The following ADCK1 variants were observed in gnomAD, a reference collection of about 807,000 sequenced individuals.
ADCK1 encodes aarF domain containing kinase 1, also known as aarF domain-containing protein kinase 1.
In ADCK1, 41 loss-of-function variants were observed where a neutral mutation model predicts 52.3. The observed-to-expected ratio is 0.78, with a 90% CI of 0.61 to 1.02. ADCK1 has a LOEUF of 1.02. Among genes scored for constraint, ADCK1 ranks in the 50% least tolerant of loss-of-function variants. ADCK1 has a pLI of 0.00. For synonymous variants in ADCK1, 250 were observed against 274.6 expected (o/e 0.91, Z 0.89); for missense variants, 658 against 679.5 (o/e 0.97, Z 0.35).
At chr14:77,810,915 C>G (rs984007184) in intron 1 of ADCK1, among the ~76,000 whole-genome samples, 4 of 152,046 alleles carry the variant, frequency 2.6e-5, no homozygotes, top group African/African-American at 9.7e-5. Flanking sequence ...GTCCCTGGAT[C>G]ACTCTCATGA....
intron 3 of ADCK1, among the ~76,000 whole-genome samples, chr14:77,853,677 G>T (rs2082360288): frequency 6.6e-6 from 1 of 152,186 alleles, no homozygotes; most frequent in African/African-American, 2.4e-5. Flanking sequence ...GGTCCTGTGT[G>T]AATGCTGGGT....
chr14:77,832,175 A>G (rs554598275), intron 3 of ADCK1, among the ~76,000 whole-genome samples: 14 of 152,088 alleles, frequency 9.2e-5, no homozygotes, highest in South Asian at 2.1e-4. Context: ...ACAGGATTTC[A>G]CCGTATTGGC....
chr14:77,808,500 G>A (rs1414146963), intron 1 of ADCK1, among the ~76,000 whole-genome samples: 2 of 152,204 alleles, frequency 1.3e-5, no homozygotes, highest in Non-Finnish European at 2.9e-5. Flanking sequence ...CATGCCTCTG[G>A]CCTTAGAAAG....
intron 3 of ADCK1, among the ~76,000 whole-genome samples, chr14:77,852,883 G>GTACATATATATATA (rs2082331400): frequency 5.4e-5 from 1 of 18,514 alleles, no homozygotes; most frequent in Non-Finnish European, 9.9e-5. Context: ...TTTTATGTGT[G>GTACATATATATATA]TATATATATA....
intron 3 of ADCK1, among the ~76,000 whole-genome samples, chr14:77,838,524 G>A (rs2082004825): frequency 6.6e-6 from 1 of 152,118 alleles, no homozygotes; most frequent in African/African-American, 2.4e-5. Context: ...AGCCTCCCAG[G>A]TACCTGGGAA....
At chr14:77,903,564 G>A (rs1234559993) in intron 6 of ADCK1, among the ~76,000 whole-genome samples, 1 of 152,246 alleles carries the variant, frequency 6.6e-6, no homozygotes, top group African/African-American at 2.4e-5. Context: ...TGGCAGCAGA[G>A]CGTATGTGCC....
intron 9 of ADCK1, among the ~76,000 whole-genome samples, chr14:77,928,333 C>T (rs557892078): frequency 7.9e-5 from 12 of 152,206 alleles, no homozygotes; most frequent in Non-Finnish European, 1.8e-4. Context: ...GAGGTCTAGA[C>T]TTAAAATACA....
chr14:77,927,282 C>T (rs1409402999), intron 9 of ADCK1, among the ~76,000 whole-genome samples: 2 of 152,182 alleles, frequency 1.3e-5, no homozygotes, highest in Non-Finnish European at 2.9e-5. Flanking sequence ...GCAAAGATGA[C>T]GACCAACTCT....
intron 3 of ADCK1, among the ~76,000 whole-genome samples, chr14:77,837,528 T>C (rs1374326369): frequency 6.6e-6 from 1 of 152,198 alleles, no homozygotes; most frequent in Non-Finnish European, 1.5e-5. Context: ...CATGGACATA[T>C]TGTTTTGGGG....
intron 3 of ADCK1, among the ~76,000 whole-genome samples, chr14:77,838,250 G>A (rs188431199): frequency 8.3e-4 from 126 of 152,210 alleles, no homozygotes; most frequent in African/African-American, 2.8e-3. Flanking sequence ...CCAATTAGCC[G>A]AATAACTTCA....
At chr14:77,932,952 C>T (rs891911915) in intron 10 of ADCK1, among the ~76,000 whole-genome samples, 8 of 152,218 alleles carry the variant, frequency 5.3e-5, no homozygotes, top group African/African-American at 1.7e-4. Context: ...GAATGTTCTA[C>T]CCAATGGGTT....
At chr14:77,810,458 G>T (rs1594851773) in intron 1 of ADCK1, among the ~76,000 whole-genome samples, 1 of 151,942 alleles carries the variant, frequency 6.6e-6, no homozygotes, top group African/African-American at 2.4e-5. Context: ...ACTCTCAAGA[G>T]CTCCCCTTCA....
At chr14:77,880,900 G>A (rs1450390069) in intron 4 of ADCK1, among the ~76,000 whole-genome samples, 2 of 152,214 alleles carry the variant, frequency 1.3e-5, no homozygotes, top group Non-Finnish European at 2.9e-5. Flanking sequence ...TGTGTTGACT[G>A]ATTGGCTTAG....
At chr14:77,931,454 C>G (rs1454624394) in intron 9 of ADCK1, 64 bp from the exon 10 acceptor site, 10 of 1,532,218 alleles carry the variant, frequency 6.5e-6, no homozygotes, top group Non-Finnish European at 8.9e-6. Flanking sequence ...TGCCAGACCC[C>G]TGCCACCCCT....
intron 3 of ADCK1, among the ~76,000 whole-genome samples, chr14:77,825,011 A>T (rs2140045720): frequency 1.3e-5 from 2 of 152,368 alleles, no homozygotes; most frequent in Middle Eastern, 6.8e-3. Flanking sequence ...AACATACAAA[A>T]TGACCCTCCT....
rs1362759161 is a variant in ADCK1 at position 77,923,855 on chromosome 14, AG to A, written c.859-601del. On this transcript the variant is annotated intron_variant, in intron 7 of 10. Coordinates refer to ENST00000238561, the MANE Select transcript of ADCK1 (RefSeq NM_020421.4). This position sits in a 1 kb window ranked among gnomAD's most constrained non-coding sequence, Gnocchi z 4.3. ...CTGTGCAGACATCATAAATCAGATTAGCATTGGGCTCTGGCAGGGAGGGGAG... is the reference window on the plus strand; with the variant it reads ...CTGTGCAGACATCATAAATCAGATTACATTGGGCTCTGGCAGGGAGGGGAG... 2 of 152,734 alleles carry A rather than the reference AG, an allele frequency of 1.3e-5. No individual in the cohort carries two copies. Among genetic ancestry groups the A allele is most frequent in the Non-Finnish European group, 2.9e-5 (2 of 68,546 alleles). 9.5% of individuals were successfully genotyped at this position (152,734 alleles called of 1,614,324 possible).
intron 1 of ADCK1, among the ~76,000 whole-genome samples, chr14:77,805,802 A>C (rs1022532722): frequency 2.0e-5 from 3 of 152,066 alleles, no homozygotes; most frequent in Middle Eastern, 3.4e-3. Context: ...AGTCTGAAAA[A>C]AATCTCAAAA....
intron 1 of ADCK1, among the ~76,000 whole-genome samples, chr14:77,815,849 TC>T: frequency 6.7e-6 from 1 of 148,242 alleles, no homozygotes; most frequent in Non-Finnish European, 1.5e-5. Flanking sequence ...GGAGTCTCGT[TC>T]TGTTGCCCAA....
chr14:77,931,363 G>A (rs1019997727), intron 9 of ADCK1, among the ~76,000 whole-genome samples, 155 bp from the exon 10 acceptor site: 1 of 152,166 alleles, frequency 6.6e-6, no homozygotes. Context: ...ACTTCTCTAT[G>A]GGGAGTGCTC....
Sources: allele counts gnomAD v4.1 joint callset (sites outside exome capture counted in the v4.1 genomes callset), GRCh38; gene constraint gnomAD v4.1.1; non-coding constraint Gnocchi (gnomAD v3.1); transcripts MANE v1.5; gene names NCBI Gene and HGNC (gene_info 2026-07-23, HGNC 2026-07-21).